Variants in AP1S3 observed in about 807,000 individuals in gnomAD.
AP1S3 encodes the protein adaptor related protein complex 1 subunit sigma 3, also known as AP-1 complex subunit sigma-3.
Under a neutral mutation model 20.9 loss-of-function variants are expected in AP1S3, and 10 were observed. That is an observed-to-expected ratio of 0.48 (90% CI 0.29 to 0.81). AP1S3 has a LOEUF of 0.81. AP1S3 is among the 30% of genes least tolerant of loss of function. The pLI, the probability that AP1S3 is intolerant of heterozygous loss-of-function variation, is 0.08. For missense variants in AP1S3, 154 were observed against 183.8 expected, an observed-to-expected ratio of 0.84 and a Z score of 0.94; for synonymous variants, 41 against 61.5, an observed-to-expected ratio of 0.67 and a Z score of 1.56.
chr2:223,835,846 A>G (rs568666011), intron 1 of AP1S3, among the ~76,000 whole-genome samples: 1 of 152,224 alleles, frequency 6.6e-6, no homozygotes, highest in African/African-American at 2.4e-5. Flanking sequence ...CCTCAGCACA[A>G]AAGCAGCCTT....
rs535929089 is a variant in AP1S3 at position 223,757,677 on chromosome 2, T to TA, written c.*1037dup. 54 of 985,396 alleles carry TA rather than the reference T, an allele frequency of 5.5e-5. No homozygotes were observed. The East Asian group carries it at 5.4e-3, about 99-fold the overall frequency. The allele number at this position is 985,396 out of a possible 1,614,324, so 61.0% of individuals were successfully genotyped here. A position where few individuals can be genotyped will look rare whatever the true frequency, so the allele number is the denominator to read the frequency against. On this transcript the variant is annotated 3_prime_UTR_variant, in exon 5 of 5. Transcript: ENST00000396654. ...CCAGGAAGCACAAATGTGATATACT[T>TA]ACAGTAATAATGGTCAGCAGCAAAT...
intron 1 of AP1S3, among the ~76,000 whole-genome samples, chr2:223,805,398 G>A (rs1050157458): frequency 6.6e-6 from 1 of 151,942 alleles, no homozygotes; most frequent in East Asian, 1.9e-4. Context: ...AGCCAAGATC[G>A]CACCATTACA....
chr2:223,810,097 C>T (rs1004176816), intron 1 of AP1S3, among the ~76,000 whole-genome samples: 1 of 152,066 alleles, frequency 6.6e-6, no homozygotes, highest in Admixed American at 6.6e-5. Flanking sequence ...TGATGTTTGT[C>T]CCTCACAGTT....
At chr2:223,825,031 C>T (rs1237624213) in intron 1 of AP1S3, among the ~76,000 whole-genome samples, 3 of 151,692 alleles carry the variant, frequency 2.0e-5, no homozygotes, top group Admixed American at 6.6e-5. Flanking sequence ...GTTCCTCGGC[C>T]GGGCTCGGTG....
At chr2:223,770,248 C>T in intron 3 of AP1S3, 1 of 1,550,668 alleles carries the variant, frequency 6.4e-7, no homozygotes, top group Non-Finnish European at 8.7e-7. Context: ...GCTGAGGAAC[C>T]TCGGAGTTCA....
chr2:223,821,150 C>CTATT (rs1691978245), intron 1 of AP1S3, among the ~76,000 whole-genome samples: 1 of 152,074 alleles, frequency 6.6e-6, no homozygotes, highest in Non-Finnish European at 1.5e-5. Context: ...ATTTATCTAT[C>CTATT]TATTTATCTA....
At chr2:223,787,142 T>C (rs1233405204) in intron 1 of AP1S3, among the ~76,000 whole-genome samples, 2 of 152,134 alleles carry the variant, frequency 1.3e-5, no homozygotes, top group Non-Finnish European at 2.9e-5. Context: ...GCCCCCTCTC[T>C]CTTCTTCCTG....
intron 1 of AP1S3, among the ~76,000 whole-genome samples, chr2:223,830,964 C>T (rs1692243976): frequency 6.6e-6 from 1 of 152,128 alleles, no homozygotes; most frequent in South Asian, 2.1e-4. Context: ...TTTCAGTATC[C>T]CCTTTTCATT....
chr2:223,801,933 C>G (rs924677050), intron 1 of AP1S3, among the ~76,000 whole-genome samples: 3 of 152,212 alleles, frequency 2.0e-5, no homozygotes, highest in African/African-American at 7.2e-5. Context: ...ACATTTATCA[C>G]AGAAGTGACA....
At chr2:223,783,675 A>G (rs1691008636) in intron 1 of AP1S3, among the ~76,000 whole-genome samples, 1 of 152,128 alleles carries the variant, frequency 6.6e-6, no homozygotes, top group Admixed American at 6.6e-5. Flanking sequence ...TTTGGTTCAC[A>G]TCTCCCTGCT....
At chr2:223,820,350 T>TTTATTGTC (rs1288857597) in intron 1 of AP1S3, among the ~76,000 whole-genome samples, 1 of 152,180 alleles carries the variant, frequency 6.6e-6, no homozygotes, top group Non-Finnish European at 1.5e-5. Flanking sequence ...GACTGACATA[T>TTTATTGTC]AGCTGTTCAA....
At chr2:223,788,256 C>G (rs569977161) in intron 1 of AP1S3, among the ~76,000 whole-genome samples, 1 of 151,836 alleles carries the variant, frequency 6.6e-6, no homozygotes, top group South Asian at 2.1e-4. Flanking sequence ...TGGACTGCCA[C>G]AGTTCTTATA....
chr2:223,820,322 T>C (rs1691957297), intron 1 of AP1S3, among the ~76,000 whole-genome samples: 1 of 152,308 alleles, frequency 6.6e-6, no homozygotes, highest in Non-Finnish European at 1.5e-5. Flanking sequence ...CTTAATGGCT[T>C]GGAATGTAAT....
chr2:223,798,850 T>A lies in AP1S3; in HGVS notation c.4-20981A>T, dbSNP rs185205677. On this transcript the variant is annotated intron_variant, in intron 1 of 4. Coordinates refer to ENST00000396654, the MANE Select transcript of AP1S3 (RefSeq NM_001039569.2). ...ACTTTGGGAGGCCAAGGTGGGCAGATCACCTGAGGTCCGGAGTTTGAGACC... is the reference window on the plus strand; with the variant it reads ...ACTTTGGGAGGCCAAGGTGGGCAGAACACCTGAGGTCCGGAGTTTGAGACC... Among the ~76,000 whole-genome samples the A allele has an allele frequency of 9.3e-3, 1,420 of 152,304 alleles. 12 individuals are homozygous for A. Among genetic ancestry groups the A allele is most frequent in the Middle Eastern group, 0.014 (4 of 294 alleles).
At chr2:223,820,242 A>T (rs987719008) in intron 1 of AP1S3, among the ~76,000 whole-genome samples, 1 of 152,176 alleles carries the variant, frequency 6.6e-6, no homozygotes, top group Non-Finnish European at 1.5e-5. Flanking sequence ...AGTGATTTAC[A>T]TAAGGGACCA....
In AP1S3 at chr2:223,757,918, T is replaced by A; in HGVS notation, c.*797A>T. ...TAGTAGCAATAATTATTATTGCTAT[T>A]AATTCTTATCATACTATTTTAGAAT... On this transcript the variant is annotated 3_prime_UTR_variant, in exon 5 of 5. Coordinates refer to ENST00000396654, the MANE Select transcript of AP1S3 (RefSeq NM_001039569.2). 1 of 974,292 alleles carries A rather than the reference T, an allele frequency of 1.0e-6. No individual in the cohort carries two copies. The highest frequency in any genetic ancestry group is 1.2e-6 in the Non-Finnish European group (1 of 819,840). The allele number at this position is 974,292 out of a possible 1,614,324, so 60.4% of individuals were successfully genotyped here.
chr2:223,768,563 T>C (rs1284626066), intron 3 of AP1S3, among the ~76,000 whole-genome samples: 1 of 152,124 alleles, frequency 6.6e-6, no homozygotes, highest in Non-Finnish European at 1.5e-5. Context: ...CAAGTTTAAG[T>C]AGAGGCCTTG....
intron 1 of AP1S3, among the ~76,000 whole-genome samples, chr2:223,820,668 G>GA (rs1242596885): frequency 0.026 from 3,030 of 118,106 alleles, 113 homozygotes; most frequent in African/African-American, 0.084. Context: ...CAAACTAGGA[G>GA]AAAAAAAAAA....
intron 1 of AP1S3, among the ~76,000 whole-genome samples, chr2:223,820,732 A>G (rs1046620986): frequency 6.6e-6 from 1 of 151,812 alleles, no homozygotes; most frequent in African/African-American, 2.4e-5. Flanking sequence ...ATAAGGAGAA[A>G]ATTTCCTTTG....
Sources: gnomAD v4.1 joint callset for allele counts (sites outside exome capture counted in the v4.1 genomes callset) on GRCh38, gnomAD v4.1.1 for gene constraint, MANE v1.5 for transcripts, NCBI Gene and HGNC (gene_info 2026-07-23, HGNC 2026-07-21) for gene names.